Variants in SLC20A2 observed in about 807,000 individuals in gnomAD.
SLC20A2 encodes sodium-dependent phosphate transporter 2.
SLC20A2 carries 30 observed loss-of-function variants against 61.0 expected under a neutral mutation model. That is an observed-to-expected ratio of 0.49 (90% CI 0.37 to 0.67). The LOEUF (loss-of-function observed/expected upper bound fraction) is 0.67, where lower values mean the gene tolerates loss of function less well. Ranked by LOEUF, SLC20A2 falls within the 30% of genes least tolerant of loss-of-function variation. The pLI, the probability that SLC20A2 is intolerant of heterozygous loss-of-function variation, is 0.00. For missense variants in SLC20A2, 626 were observed against 866.4 expected (o/e 0.72, Z 3.48); for synonymous variants, 351 against 353.3 (o/e 0.99, Z 0.07).
intron 2 of SLC20A2, among the ~76,000 whole-genome samples, chr8:42,466,332 C>T (rs142220882): frequency 3.3e-5 from 5 of 152,252 alleles, no homozygotes; most frequent in East Asian, 3.9e-4. Flanking sequence ...GTGATCTACC[C>T]GCCTTGGCCT....
At chr8:42,521,308 A>G (rs1306028815) in intron 1 of SLC20A2, among the ~76,000 whole-genome samples, 3 of 121,386 alleles carry the variant, frequency 2.5e-5, no homozygotes, top group African/African-American at 7.6e-5. Flanking sequence ...ATGCATACTC[A>G]ATACTCAATG....
At chr8:42,533,651 G>GTTT (rs1554577829) in intron 1 of SLC20A2, among the ~76,000 whole-genome samples, 7 of 89,730 alleles carry the variant, frequency 7.8e-5, no homozygotes, top group African/African-American at 1.9e-4. Context: ...ATGATCAACT[G>GTTT]TTCTTTTTTT....
intron 8 of SLC20A2, among the ~76,000 whole-genome samples, 195 bp from the exon 9 acceptor site, chr8:42,430,444 C>A (rs547450752): frequency 6.6e-6 from 1 of 151,528 alleles, no homozygotes; most frequent in African/African-American, 2.4e-5. Flanking sequence ...CTCACTGCAA[C>A]CTCCACCTCT....
At chr8:42,488,720 T>C (rs1166737673) in intron 1 of SLC20A2, among the ~76,000 whole-genome samples, 1 of 152,106 alleles carries the variant, frequency 6.6e-6, no homozygotes, top group Non-Finnish European at 1.5e-5. Context: ...CTTCTGTTGG[T>C]TTTATATTTT....
chr8:42,529,578 TC>T (rs1226351272), intron 1 of SLC20A2, among the ~76,000 whole-genome samples: 1 of 152,132 alleles, frequency 6.6e-6, no homozygotes, highest in Non-Finnish European at 1.5e-5. Context: ...GCTCAGTTTC[TC>T]AAAAAACATA....
At chr8:42,504,808 T>TGCCAAGATCACACCAGC (rs1349351131), upstream of SLC20A2, among the ~76,000 whole-genome samples, 1 of 115,636 alleles carries the variant, frequency 8.6e-6, no homozygotes, top group Admixed American at 1.3e-4. Flanking sequence ...ATCATGCCAC[T>TGCCAAGATCACACCAGC]GCCAAGATCA....
At chr8:42,509,606 T>A (rs567113034) in intron 1 of SLC20A2, among the ~76,000 whole-genome samples, 14 of 152,064 alleles carry the variant, frequency 9.2e-5, no homozygotes, top group African/African-American at 3.4e-4. Flanking sequence ...AATAAAAAAA[T>A]TAGCGGGTGC....
At chr8:42,503,417 A>C (rs189787639), upstream of SLC20A2, among the ~76,000 whole-genome samples, 15 of 152,336 alleles carry the variant, frequency 9.8e-5, 1 homozygote, top group Admixed American at 8.5e-4. Context: ...AATTAAAGAA[A>C]ATTACTATGT....
chr8:42,465,422 G>A (rs561642913), intron 3 of SLC20A2, among the ~76,000 whole-genome samples: 78 of 151,864 alleles, frequency 5.1e-4, no homozygotes, highest in African/African-American at 1.8e-3. Context: ...GGCTGGGCAC[G>A]GTGGCTCACG....
At chr8:42,484,795 G>C (rs567203623) in intron 1 of SLC20A2, 59 of 307,062 alleles carry the variant, frequency 1.9e-4, no homozygotes, top group African/African-American at 1.3e-3. Flanking sequence ...CATATCATGC[G>C]GGAGCACCTG....
At chr8:42,486,815 T>C (rs576987501) in intron 1 of SLC20A2, among the ~76,000 whole-genome samples, 44 of 152,314 alleles carry the variant, frequency 2.9e-4, no homozygotes, top group Admixed American at 5.9e-4. Context: ...GATGTGTACA[T>C]TAGTGTTCTT....
At chr8:42,434,790 C>T (rs1253612551) in intron 8 of SLC20A2, among the ~76,000 whole-genome samples, 1 of 152,192 alleles carries the variant, frequency 6.6e-6, no homozygotes, top group Non-Finnish European at 1.5e-5. Flanking sequence ...CTGCAAGCAA[C>T]TCTTCGCAAT....
chr8:42,488,489 T>C (rs1175858530), intron 1 of SLC20A2, among the ~76,000 whole-genome samples: 2 of 151,994 alleles, frequency 1.3e-5, no homozygotes. Flanking sequence ...CACCTGGCCA[T>C]AACACTGCTA....
At chr8:42,506,002 T>C (rs1251667349), upstream of SLC20A2, among the ~76,000 whole-genome samples, 3 of 152,086 alleles carry the variant, frequency 2.0e-5, no homozygotes, top group African/African-American at 7.2e-5. Flanking sequence ...GTCACAGTAG[T>C]GCAATCTCGG....
At chr8:42,464,090 A>ATTTTTTTTTTTTTTTTTTTT (rs1563488008) in intron 3 of SLC20A2, among the ~76,000 whole-genome samples, 1 of 19,994 alleles carries the variant, frequency 5.0e-5, no homozygotes, top group Non-Finnish European at 1.3e-4. Context: ...AGGCTGGATG[A>ATTTTTTTTTTTTTTTTTTTT]TCTTTTTTTT....
rs1168285475 is a variant in SLC20A2 at position 42,417,905 on chromosome 8, A to G, written c.1857T>C (p.Phe619=). 9 of 1,613,902 alleles carry G rather than the reference A, an allele frequency of 5.6e-6. No individual in the cohort carries two copies. The highest frequency in any genetic ancestry group is 7.6e-6 in the Non-Finnish European group (9 of 1,179,952). ...RSRKAVDWRL[F]RNIFVAWFVT... is the part of the protein sequence containing the mutation. ...CGAACCAGGCCACGAAGATGTTCCGAAAGAGGCGCCAGTCCACAGCCTTGC... is the reference window on the plus strand; with the variant it reads ...CGAACCAGGCCACGAAGATGTTCCGGAAGAGGCGCCAGTCCACAGCCTTGC... The change falls in exon 11 of 11, where the codon TTT becomes TTC. Residue 619 remains phenylalanine (F), a synonymous_variant. Coordinates refer to ENST00000520262, the MANE Select transcript of SLC20A2 (RefSeq NM_001257180.2).
At chr8:42,525,581 C>CAAAAAAAAAAAA (rs34356863) in intron 1 of SLC20A2, among the ~76,000 whole-genome samples, 13 of 68,710 alleles carry the variant, frequency 1.9e-4, no homozygotes, top group East Asian at 8.3e-4. Context: ...GACTCTGTCT[C>CAAAAAAAAAAAA]AAAAAAAAAA....
At chr8:42,428,888 C>T in intron 9 of SLC20A2, 46 bp from the exon 10 acceptor site, 1 of 1,474,492 alleles carries the variant, frequency 6.8e-7, no homozygotes, top group Non-Finnish European at 9.1e-7. Flanking sequence ...TCTGTATCAG[C>T]CTCCCTGACA....
In SLC20A2 at chr8:42,472,856, T is replaced by A. The variant is rs1807755837; in HGVS notation, c.-264-202A>T. Among the ~76,000 whole-genome samples the A allele has an allele frequency of 2.6e-5, 4 of 152,206 alleles. No individual in the cohort carries two copies. In the South Asian group the frequency reaches 8.3e-4, roughly 32 times the overall value. On this transcript the variant is annotated intron_variant, in intron 1 of 10. Coordinates refer to ENST00000520262, the MANE Select transcript of SLC20A2 (RefSeq NM_001257180.2). The surrounding 1 kb of genome is among the most constrained non-coding windows in gnomAD (Gnocchi z 4.1). ...CACAAAAAAACCTGCTTTCTAGAAT[T>A]GTCAGGAGTTGAAGCATGCTTAATA...
Sources: gnomAD v4.1 joint callset for allele counts (sites outside exome capture counted in the v4.1 genomes callset) on GRCh38, gnomAD v4.1.1 for gene constraint, Gnocchi (gnomAD v3.1) non-coding constraint, MANE v1.5 for transcripts, NCBI Gene and HGNC (gene_info 2026-07-23, HGNC 2026-07-21) for gene names.